The following EIF2AK4 variants were observed in gnomAD, a reference collection of about 807,000 sequenced individuals.
The protein encoded by EIF2AK4 is eIF-2-alpha kinase GCN2.
EIF2AK4 carries 139 observed loss-of-function variants against 211.1 expected under a neutral mutation model. The observed-to-expected ratio is 0.66, with a 90% CI of 0.57 to 0.76. EIF2AK4 has a LOEUF of 0.76. Ranked by LOEUF, EIF2AK4 falls within the 30% of genes least tolerant of loss-of-function variation. The pLI is 0.00. For synonymous variants in EIF2AK4, 710 were observed against 751.3 expected, an observed-to-expected ratio of 0.94 and a Z score of 0.90; for missense variants, 1,664 against 2,043.8, an observed-to-expected ratio of 0.81 and a Z score of 3.58.
In EIF2AK4 at chr15:40,003,313, G is replaced by A. The variant is rs534491026; in HGVS notation, c.3356G>A (p.Arg1119Gln). Reference protein sequence around the residue: ...GMLVMLPFDLRIPFARYVARN... With the variant: ...GMLVMLPFDLQIPFARYVARN... ...CTGGTGATGCTTCCTTTTGACCTGC[G>A]GGTGAGGCTGGGAACACACTGCTGA... Residue 1119 changes from arginine to glutamine, a missense_variant and splice_region_variant, in exon 23 of 39, where the codon CGG becomes CAG. This residue lies in a region of EIF2AK4 where 622 missense variants were observed against 796.8 expected (regional missense o/e 0.78). Transcript: ENST00000263791. The A allele has an allele frequency of 3.7e-6, 6 of 1,613,830 alleles. No homozygotes were observed. The highest frequency in any genetic ancestry group is 1.3e-5 in the African/African-American group (1 of 74,916).
At chr15:39,960,158 C>A (rs372933007) in intron 6 of EIF2AK4, among the ~76,000 whole-genome samples, 1 of 124,518 alleles carries the variant, frequency 8.0e-6, no homozygotes, top group Admixed American at 9.2e-5. Context: ...AGCGAGACTC[C>A]ATCTCAAAAA....
intron 18 of EIF2AK4, among the ~76,000 whole-genome samples, chr15:39,994,849 T>C (rs565409296): frequency 3.3e-5 from 5 of 152,056 alleles, no homozygotes; most frequent in African/African-American, 1.2e-4. Flanking sequence ...ATTATTATTA[T>C]TATTATTTTG....
chr15:39,954,466 C>T (rs1263800710), intron 5 of EIF2AK4, among the ~76,000 whole-genome samples: 3 of 152,200 alleles, frequency 2.0e-5, no homozygotes, highest in African/African-American at 7.2e-5. Context: ...GTTGGCCAGG[C>T]TGGTCCTCAA....
At chr15:39,935,907 C>T (rs1385057307) in intron 1 of EIF2AK4, among the ~76,000 whole-genome samples, 1 of 151,994 alleles carries the variant, frequency 6.6e-6, no homozygotes, top group Non-Finnish European at 1.5e-5. Context: ...AAATTATTCC[C>T]CTTAACATGA....
chr15:39,992,896 A>C (rs2034964749), intron 18 of EIF2AK4, 48 bp downstream of exon 18: 1 of 1,564,758 alleles, frequency 6.4e-7, no homozygotes, highest in African/African-American at 1.4e-5. Flanking sequence ...AGGTAATAGG[A>C]CATCTAGATC....
chr15:39,939,982 G>A (rs756767718), intron 2 of EIF2AK4, among the ~76,000 whole-genome samples: 10 of 152,192 alleles, frequency 6.6e-5, no homozygotes, highest in Non-Finnish European at 1.2e-4. Flanking sequence ...GAGTGTGGCT[G>A]GTATTAGAAA....
intron 11 of EIF2AK4, among the ~76,000 whole-genome samples, chr15:39,975,905 TTAAG>T (rs1238966197): frequency 6.6e-6 from 1 of 152,134 alleles, no homozygotes; most frequent in African/African-American, 2.4e-5. Context: ...CTCAAGGAAA[TTAAG>T]TAATTTTCCC....
chr15:40,009,568 G>C (rs2035209069), intron 25 of EIF2AK4, 46 bp from the exon 26 acceptor site: 1 of 1,247,138 alleles, frequency 8.0e-7, no homozygotes, highest in African/African-American at 1.5e-5. Context: ...TCATGTACCA[G>C]TAATTGCTTT....
At position 40,020,919 on chromosome 15, in the gene EIF2AK4, C is replaced by A. The variant is rs1437928674; in HGVS notation, c.4194C>A (p.Asp1398Glu). The change falls in exon 31 of 39, where the codon GAC (aspartate) becomes GAA (glutamate). Residue 1398 changes from aspartate to glutamate, a missense_variant. By Grantham distance (45) the Asp-to-Glu change is conservative. Transcript: ENST00000263791. ...TCCAGGTTACAATAAGCTCTTGTGACCTCCTGGTTGTAAGTGTTGGCCAGA... is the reference window on the plus strand; with the variant it reads ...TCCAGGTTACAATAAGCTCTTGTGAACTCCTGGTTGTAAGTGTTGGCCAGA... ...MEESVTISSC[D>E]LLVVSVGQMS... The A allele has an allele frequency of 2.5e-6, 4 of 1,611,664 alleles. No individual in the cohort carries two copies. Among genetic ancestry groups the A allele is most frequent in the Non-Finnish European group, 3.4e-6 (4 of 1,178,902 alleles).
At position 40,013,985 on chromosome 15, in the gene EIF2AK4, A is replaced by C. The variant is rs114165391; in HGVS notation, c.3760-2517A>C. The stretch of plus-strand genomic sequence containing the variant: ...ACAAGTGAGTTACTTCCTGGATACA[A>C]TGAGAGTACAGGCATTGGATAAATA... On this transcript the variant is annotated intron_variant, in intron 27 of 38. Coordinates refer to ENST00000263791, the MANE Select transcript of EIF2AK4 (RefSeq NM_001013703.4). Among the ~76,000 whole-genome samples, 909 of 152,354 alleles carry C rather than the reference A, an allele frequency of 6.0e-3. 4 individuals are homozygous for C. Among genetic ancestry groups the C allele is most frequent in the African/African-American group, 0.021 (871 of 41,580 alleles).
In EIF2AK4 at chr15:39,978,069, CT is replaced by C; in HGVS notation, c.2250-4del. 9 of 1,588,878 alleles carry C rather than the reference CT, an allele frequency of 5.7e-6. No homozygotes were observed. Among genetic ancestry groups the C allele is most frequent in the Middle Eastern group, 1.7e-4 (1 of 5,948 alleles). ...CTGTTCCTTTAGTATTTCTGTTTCC[CT>C]TTTTCAGGCCTGCTTCAGATTCTGA... is the stretch of plus-strand genomic sequence containing the variant. On this transcript the variant is annotated splice_polypyrimidine_tract_variant and splice_region_variant and intron_variant, in intron 12 of 38. Transcript: ENST00000263791.
At chr15:39,946,485 T>C (rs2034229094) in intron 3 of EIF2AK4, 2 of 688,170 alleles carry the variant, frequency 2.9e-6, no homozygotes, top group Admixed American at 4.1e-5. Flanking sequence ...TCTTATAGAT[T>C]AGGAGAGAAA....
chr15:40,009,627 G>C lies in EIF2AK4; in HGVS notation c.3590G>C (p.Ser1197Thr). ...EFPALQERNY[S>T]IYLNHTMLLK... is the part of the protein sequence containing the mutation. Reference sequence around the variant, plus strand: ...TCCATATCCCAGGAAAGAAATTACAGTATTTATTTGAACCATACCATGTTA... The same window carrying C: ...TCCATATCCCAGGAAAGAAATTACACTATTTATTTGAACCATACCATGTTA... Residue 1197 changes from serine (S) to threonine (T), a missense_variant, in exon 26 of 39, where the codon AGT (serine) becomes ACT (threonine). Ser to Thr is a moderately conservative substitution (Grantham distance 58). Around this residue, in one of 7 missense-constraint regions of EIF2AK4, gnomAD observed 622 missense variants for 796.8 expected, o/e 0.78. Transcript: ENST00000263791. The C allele has an allele frequency of 6.3e-7, 1 of 1,587,682 alleles. No homozygotes were observed. The highest frequency in any genetic ancestry group is 8.6e-7 in the Non-Finnish European group (1 of 1,168,326).
chr15:39,992,496 A>C, intron 17 of EIF2AK4: 1 of 549,482 alleles, frequency 1.8e-6, no homozygotes, highest in African/African-American at 1.9e-5. Flanking sequence ...TCCATTGGTA[A>C]TGTGAGGTTA....
chr15:40,005,467 A>G (rs1306880553), intron 23 of EIF2AK4, among the ~76,000 whole-genome samples: 1 of 152,060 alleles, frequency 6.6e-6, no homozygotes, highest in African/African-American at 2.4e-5. Flanking sequence ...ACTGCACTCC[A>G]GCCTGGACAA....
intron 4 of EIF2AK4, among the ~76,000 whole-genome samples, chr15:39,950,848 T>TA (rs901631064): frequency 4.6e-5 from 7 of 152,270 alleles, no homozygotes; most frequent in African/African-American, 1.2e-4. Flanking sequence ...TACTTGTTTT[T>TA]AAAAAAATCC....
chr15:39,950,273 G>T (rs2034288445), intron 4 of EIF2AK4, among the ~76,000 whole-genome samples: 1 of 152,150 alleles, frequency 6.6e-6, no homozygotes. Flanking sequence ...TTAAAAACAT[G>T]TACTTGCATG....
chr15:40,021,288 A>T (rs896474604), intron 31 of EIF2AK4, among the ~76,000 whole-genome samples: 2 of 152,268 alleles, frequency 1.3e-5, no homozygotes, highest in Admixed American at 6.5e-5. Context: ...CTCCTCTGGG[A>T]AGCTCTAGGG....
chr15:40,027,845 C>G (rs4924408), intron 33 of EIF2AK4, among the ~76,000 whole-genome samples: 1 of 150,618 alleles, frequency 6.6e-6, no homozygotes, highest in Admixed American at 6.6e-5. Context: ...GAGTGGAGAT[C>G]GTGGACTGCA....
Sources: gnomAD v4.1 joint callset for allele counts (sites outside exome capture counted in the v4.1 genomes callset) on GRCh38, gnomAD v4.1.1 for gene constraint, gnomAD v4.1.1 regional missense constraint, MANE v1.5 for transcripts, NCBI Gene and HGNC (gene_info 2026-07-23, HGNC 2026-07-21) for gene names.